The following CUX2 variants were observed in gnomAD, a reference collection of about 807,000 sequenced individuals.
CUX2 encodes the protein cut like homeobox 2.
In CUX2, 40 loss-of-function variants were observed where a neutral mutation model predicts 144.8. That is an observed-to-expected ratio of 0.28 (90% CI 0.21 to 0.36). CUX2 has a LOEUF of 0.36. Among genes scored for constraint, CUX2 ranks in the 10% least tolerant of loss-of-function variants. The probability of loss-of-function intolerance (pLI) is 1.00; values close to 1 mark genes in which losing one functional copy is unlikely to be tolerated. For synonymous variants in CUX2, 827 were observed against 875.6 expected (o/e 0.94, Z 0.98); for missense variants, 1,615 against 1,994.0 (o/e 0.81, Z 3.62).
rs915602118 is a variant in CUX2 at position 111,308,594 on chromosome 12, C to A, written c.1258+68C>A. ...GCTGCCTGTGGGTCTCTGGCCTTCT[C>A]ATGCCCAAGGACCACTGCCTTCCAT... On this transcript the variant is annotated intron_variant, in intron 14 of 21. Transcript: ENST00000261726. The A allele has an allele frequency of 3.7e-6, 5 of 1,352,044 alleles. No homozygotes were observed. The East Asian group carries it at 1.2e-4, about 33-fold the overall frequency. 83.8% of individuals were successfully genotyped at this position (1,352,044 alleles called of 1,614,324 possible).
intron 3 of CUX2, among the ~76,000 whole-genome samples, chr12:111,249,435 CCCTTTTTTTGT>C (rs1883452233): frequency 8.1e-6 from 1 of 123,976 alleles, no homozygotes; most frequent in African/African-American, 3.5e-5. Context: ...AATTAATAGA[CCCTTTTTTTGT>C]TTTTTTTTTT....
At chr12:111,045,603 GTTA>G (rs1031021378) in intron 1 of CUX2, among the ~76,000 whole-genome samples, 1 of 152,198 alleles carries the variant, frequency 6.6e-6, no homozygotes, top group Non-Finnish European at 1.5e-5. Context: ...ATTAGCAATT[GTTA>G]TTATTATCTT....
chr12:111,053,631 G>A (rs544201592), intron 1 of CUX2, among the ~76,000 whole-genome samples: 31 of 152,016 alleles, frequency 2.0e-4, no homozygotes, highest in African/African-American at 6.3e-4. Context: ...ATTGCTCTTC[G>A]TGGGCCCTGG....
intron 4 of CUX2, among the ~76,000 whole-genome samples, chr12:111,274,439 G>T (rs1884765550): frequency 6.6e-6 from 1 of 152,148 alleles, no homozygotes; most frequent in South Asian, 2.1e-4. Flanking sequence ...CATAGTAAAT[G>T]CTCAGTAAAC....
At chr12:111,309,741 ATCTC>A (rs144676885) in intron 14 of CUX2, among the ~76,000 whole-genome samples, 3 of 111,028 alleles carry the variant, frequency 2.7e-5, no homozygotes, top group Admixed American at 9.2e-5. Flanking sequence ...TTGTCTCTTT[ATCTC>A]TCTCTCTCTC....
intron 1 of CUX2, among the ~76,000 whole-genome samples, chr12:111,108,767 C>CT (rs1429938885): frequency 4.6e-5 from 7 of 150,688 alleles, no homozygotes; most frequent in Non-Finnish European, 1.0e-4. Context: ...CTCTCTCTCT[C>CT]TTTTTTTGCA....
chr12:111,142,126 T>C (rs1386084883), intron 1 of CUX2, among the ~76,000 whole-genome samples: 2 of 152,162 alleles, frequency 1.3e-5, no homozygotes, highest in African/African-American at 4.8e-5. Context: ...GGCAATGGAA[T>C]ATAGGATGCC....
At position 111,061,461 on chromosome 12, in the gene CUX2, A is replaced by G. The variant is rs1385849864; in HGVS notation, c.63+27221A>G. Among the ~76,000 whole-genome samples, 1 of 152,220 alleles carries G rather than the reference A, an allele frequency of 6.6e-6. No individual in the cohort carries two copies. Among genetic ancestry groups the G allele is most frequent in the Non-Finnish European group, 1.5e-5 (1 of 68,040 alleles). ...AAGGGCTTTTTAAAAGTAATTTTGCATTATGGAAGACAAAGTCGCCCCATT... is the reference window on the plus strand; with the variant it reads ...AAGGGCTTTTTAAAAGTAATTTTGCGTTATGGAAGACAAAGTCGCCCCATT... On this transcript the variant is annotated intron_variant, in intron 1 of 21. Coordinates refer to ENST00000261726, the MANE Select transcript of CUX2 (RefSeq NM_015267.4). This position sits in a 1 kb window ranked among gnomAD's most constrained non-coding sequence, Gnocchi z 4.2.
chr12:111,336,196 C>T (rs545147592), intron 19 of CUX2, among the ~76,000 whole-genome samples: 35 of 152,256 alleles, frequency 2.3e-4, no homozygotes, highest in African/African-American at 7.9e-4. Flanking sequence ...GGAAAAATCT[C>T]TTCTAGGGCT....
chr12:111,320,593 G>A lies in CUX2; in HGVS notation c.2584G>A (p.Gly862Ser). ...LKAEGATAEAGARLPYYPAYV... is the reference protein window; with the variant it reads ...LKAEGATAEASARLPYYPAYV... ...GGCTGAGGGCGCGACGGCCGAGGCG[G>A]GCGCGCGGCTGCCCTACTACCCGGC... Residue 862 changes from glycine to serine, a missense_variant, in exon 17 of 22, where the codon GGC (glycine) becomes AGC (serine). This residue lies in a region of CUX2 where 390 missense variants were observed against 387.1 expected (regional missense o/e 1.01). Coordinates refer to ENST00000261726, the MANE Select transcript of CUX2 (RefSeq NM_015267.4). This position sits in a 1 kb window ranked among gnomAD's most constrained non-coding sequence, Gnocchi z 8.1. 1 of 1,530,824 alleles carries A rather than the reference G, an allele frequency of 6.5e-7. No individual in the cohort carries two copies. Among genetic ancestry groups the A allele is most frequent in the East Asian group, 2.5e-5 (1 of 39,660 alleles). The allele number at this position is 1,530,824 out of a possible 1,614,324, so 94.8% of individuals were successfully genotyped here. A position where few individuals can be genotyped will look rare whatever the true frequency, so the allele number is the denominator to read the frequency against.
chr12:111,143,345 G>A (rs1391715529), intron 1 of CUX2, among the ~76,000 whole-genome samples: 1 of 152,134 alleles, frequency 6.6e-6, no homozygotes, highest in Non-Finnish European at 1.5e-5. Context: ...TGCGGGTGTC[G>A]GAGGTTAAAT....
At chr12:111,318,245 C>T (rs28595196) in intron 16 of CUX2, among the ~76,000 whole-genome samples, 12,981 of 78,032 alleles carry the variant, frequency 0.17, 1,383 homozygotes, top group East Asian at 0.53. Flanking sequence ...TTTCTTTTTT[C>T]TTTTTTTTTT....
intron 1 of CUX2, among the ~76,000 whole-genome samples, chr12:111,093,400 C>T (rs1044928754): frequency 3.3e-5 from 5 of 151,962 alleles, no homozygotes; most frequent in Middle Eastern, 3.2e-3. Context: ...TTTACACAGA[C>T]GAGAACTGTG....
Position 111,141,716 on chromosome 12 carries a change from G to A in CUX2, c.64-72484G>A, listed in dbSNP as rs114168931. 6.4e-3 allele frequency among the ~76,000 whole-genome samples: 978 copies of A among 152,290 alleles called. 9 individuals are homozygous for A. Among genetic ancestry groups the A allele is most frequent in the African/African-American group, 0.022 (912 of 41,542 alleles). ...TCATGTGTCCCCCAGTGAATGTCAA[G>A]GTCTTAGTTCCATGCATGGTACCTA... is the stretch of plus-strand genomic sequence containing the variant. On this transcript the variant is annotated intron_variant, in intron 1 of 21. Transcript: ENST00000261726.
At chr12:111,087,658 A>G (rs1050477010) in intron 1 of CUX2, among the ~76,000 whole-genome samples, 5 of 152,212 alleles carry the variant, frequency 3.3e-5, no homozygotes, top group Non-Finnish European at 7.3e-5. Context: ...TTTGTTTTGT[A>G]TCATCCAAGA....
chr12:111,078,227 A>G (rs928606221), intron 1 of CUX2, among the ~76,000 whole-genome samples: 4 of 152,166 alleles, frequency 2.6e-5, no homozygotes, highest in African/African-American at 9.7e-5. Context: ...TGAGAGAGAC[A>G]AGGCTTCTGC....
chr12:111,268,353 T>C (rs757592974), intron 4 of CUX2, among the ~76,000 whole-genome samples: 1 of 152,356 alleles, frequency 6.6e-6, no homozygotes, highest in Middle Eastern at 3.4e-3. Context: ...GCCTCCCGAA[T>C]GGCTGGGTCT....
intron 4 of CUX2, among the ~76,000 whole-genome samples, chr12:111,266,329 T>G (rs1456140311): frequency 6.6e-6 from 1 of 151,798 alleles, no homozygotes. Context: ...ATACAAAAAT[T>G]AGCCAGGTGT....
At chr12:111,230,632 C>G (rs1159914220) in intron 3 of CUX2, among the ~76,000 whole-genome samples, 1 of 152,206 alleles carries the variant, frequency 6.6e-6, no homozygotes, top group Non-Finnish European at 1.5e-5. Flanking sequence ...TGTTCTTGGT[C>G]TAGCATGAGG....
Sources: allele counts gnomAD v4.1 joint callset (sites outside exome capture counted in the v4.1 genomes callset), GRCh38; gene constraint gnomAD v4.1.1; regional missense constraint gnomAD v4.1.1; non-coding constraint Gnocchi (gnomAD v3.1); transcripts MANE v1.5; gene names NCBI Gene and HGNC (gene_info 2026-07-23, HGNC 2026-07-21).